DMD: variants seen among roughly 807,000 people sequenced by gnomAD.
The protein encoded by DMD is mutant dystrophin.
In DMD, 63 loss-of-function variants were observed where a neutral mutation model predicts 330.1. That is an observed-to-expected ratio of 0.19 (90% CI 0.16 to 0.24). The LOEUF is 0.24. DMD is among the 10% of genes least tolerant of loss of function. The probability of loss-of-function intolerance (pLI) is 1.00; values close to 1 mark genes in which losing one functional copy is unlikely to be tolerated. For synonymous variants in DMD, 1,223 were observed against 959.8 expected (o/e 1.27, Z -5.07); for missense variants, 3,344 against 2,684.1 (o/e 1.25, Z -5.43).
chrX:31,386,389 AAAG>A (rs1422396583), intron 60 of DMD, among the ~76,000 whole-genome samples: 1 of 112,139 alleles, frequency 8.9e-6, no homozygotes, highest in Non-Finnish European at 1.9e-5. Context: ...AATAAAAAAA[AAAG>A]AAGAGATGAT....
intron 9 of DMD, among the ~76,000 whole-genome samples, chrX:32,682,763 C>A (rs2062529831): frequency 8.9e-6 from 1 of 111,792 alleles, no homozygotes; most frequent in African/African-American, 3.3e-5. Context: ...GAATATATTT[C>A]TTAGTTCTAA....
chrX:32,543,796 A>G (rs979657395), intron 17 of DMD, among the ~76,000 whole-genome samples: 3 of 111,446 alleles, frequency 2.7e-5, no homozygotes, highest in Non-Finnish European at 3.8e-5. Flanking sequence ...TGACTGGAGC[A>G]AGGGTCGCCA....
intron 45 of DMD, among the ~76,000 whole-genome samples, chrX:31,951,177 A>ATATG (rs2095173254): frequency 1.1e-5 from 1 of 90,429 alleles, no homozygotes; most frequent in Non-Finnish European, 2.2e-5. Flanking sequence ...ATATATATGT[A>ATATG]TATATATATA....
chrX:31,400,575 T>C (rs774013970), intron 60 of DMD, among the ~76,000 whole-genome samples: 1 of 112,006 alleles, frequency 8.9e-6, no homozygotes, highest in East Asian at 2.8e-4. Context: ...AAGGGACCAC[T>C]GTTAATTCTT....
chrX:32,931,023 AT>A (rs1377759330), intron 2 of DMD, among the ~76,000 whole-genome samples: 1 of 108,021 alleles, frequency 9.3e-6, no homozygotes, highest in African/African-American at 3.3e-5. Context: ...ATTAATACAT[AT>A]TAACAATTAA....
At position 32,972,976 on chromosome X, in the gene DMD, T is replaced by A. The variant is rs561605297; in HGVS notation, c.93+47163A>T. On this transcript the variant is annotated intron_variant, in intron 2 of 78. Coordinates refer to ENST00000357033, the MANE Select transcript of DMD (RefSeq NM_004006.3). Reference sequence around the variant, plus strand: ...CCATGGAAGACCAGAGTTCACCACCTTTGTGGAGATTTGATAGGATTTTCA... The same window carrying A: ...CCATGGAAGACCAGAGTTCACCACCATTGTGGAGATTTGATAGGATTTTCA... Among the ~76,000 whole-genome samples the A allele has an allele frequency of 1.1e-4, 12 of 111,916 alleles. No individual in the cohort carries two copies. The Admixed American group carries it at 1.1e-3, about 11-fold the overall frequency.
intron 10 of DMD, among the ~76,000 whole-genome samples, chrX:32,644,537 T>G (rs1443192865): frequency 9.2e-6 from 1 of 109,187 alleles, no homozygotes. Flanking sequence ...AGATAAGGAC[T>G]TCAGTGCAAG....
At chrX:33,332,050 C>T (rs2089128872) in intron 1 of DMD, among the ~76,000 whole-genome samples, 1 of 111,666 alleles carries the variant, frequency 9.0e-6, no homozygotes, top group Non-Finnish European at 1.9e-5. Context: ...CTTTCCAACA[C>T]TATCAAAGGA....
chrX:32,758,928 CCT>C (rs1428593954), intron 7 of DMD, among the ~76,000 whole-genome samples: 2 of 111,695 alleles, frequency 1.8e-5, no homozygotes, highest in Non-Finnish European at 3.8e-5. Flanking sequence ...GATAAAATGC[CCT>C]CTTTTACTTC....
intron 21 of DMD, among the ~76,000 whole-genome samples, chrX:32,474,240 CCA>C (rs1403952423): frequency 1.9e-4 from 21 of 110,355 alleles, no homozygotes; most frequent in African/African-American, 6.9e-4. Context: ...CACACACTCA[CCA>C]CAGTTTCTTT....
intron 67 of DMD, among the ~76,000 whole-genome samples, chrX:31,193,646 A>G (rs1439499847): frequency 8.9e-6 from 1 of 111,926 alleles, no homozygotes; most frequent in Non-Finnish European, 1.9e-5. Context: ...TCTCATTACA[A>G]AGGGAAAAGG....
chrX:31,276,424 A>G (rs1201867020), intron 62 of DMD, among the ~76,000 whole-genome samples: 1 of 111,891 alleles, frequency 8.9e-6, no homozygotes, highest in Non-Finnish European at 1.9e-5. Context: ...CATACCCACC[A>G]GAATGAGCAA....
chrX:32,237,435 A>C (rs1481380539), intron 43 of DMD, among the ~76,000 whole-genome samples: 2 of 110,756 alleles, frequency 1.8e-5, no homozygotes, highest in African/African-American at 6.6e-5. Flanking sequence ...TACAACTGTT[A>C]TACAGCTGTT....
At chrX:32,629,842 C>A (rs1458175541) in intron 11 of DMD, among the ~76,000 whole-genome samples, 2 of 109,364 alleles carry the variant, frequency 1.8e-5, no homozygotes, top group Admixed American at 1.9e-4. Context: ...TCCCCCCACT[C>A]TTTTTGTTGT....
chrX:32,844,406 C>CAAAAAAAAA (rs113585554), intron 4 of DMD, among the ~76,000 whole-genome samples: 1 of 74,029 alleles, frequency 1.4e-5, no homozygotes, highest in Non-Finnish European at 2.7e-5. Flanking sequence ...GACTCCATCT[C>CAAAAAAAAA]AAAAAAAAAA....
At chrX:31,869,033 G>C (rs1017182347) in intron 48 of DMD, among the ~76,000 whole-genome samples, 16 of 111,285 alleles carry the variant, frequency 1.4e-4, no homozygotes, top group Non-Finnish European at 9.4e-5. Flanking sequence ...TCCTAAAAGA[G>C]AGTAGTAGTA....
At chrX:31,641,501 CAAAAAAAAAAAA>C (rs1048854739) in intron 54 of DMD, among the ~76,000 whole-genome samples, 21 of 33,605 alleles carry the variant, frequency 6.2e-4, no homozygotes, top group African/African-American at 2.0e-3. Flanking sequence ...GACTCCGTCT[CAAAAAAAAAAAA>C]AAAAAAAAAG....
chrX:31,643,659 G>C (rs1168828740), intron 54 of DMD, among the ~76,000 whole-genome samples: 1 of 111,758 alleles, frequency 8.9e-6, no homozygotes, highest in Non-Finnish European at 1.9e-5. Context: ...GTTCTATGAA[G>C]AATACATTTT....
intron 9 of DMD, among the ~76,000 whole-genome samples, chrX:32,670,599 T>A (rs2061572268): frequency 8.9e-6 from 1 of 111,982 alleles, no homozygotes; most frequent in African/African-American, 3.2e-5. Flanking sequence ...GAATGCTACC[T>A]AAATTATCAT....
Sources: gnomAD v4.1 joint callset for allele counts (sites outside exome capture counted in the v4.1 genomes callset) on GRCh38, gnomAD v4.1.1 for gene constraint, MANE v1.5 for transcripts, NCBI Gene and HGNC (gene_info 2026-07-23, HGNC 2026-07-21) for gene names.